Variants in GLRB observed in about 807,000 individuals in gnomAD.
GLRB encodes the protein glycine receptor subunit beta.
Under a neutral mutation model 54.2 loss-of-function variants are expected in GLRB, and 33 were observed. The observed-to-expected ratio is 0.61, with a 90% CI of 0.46 to 0.81. The LOEUF is 0.81. Among genes scored for constraint, GLRB ranks in the 40% least tolerant of loss-of-function variants. The probability of loss-of-function intolerance (pLI) is 0.00; values close to 1 mark genes in which losing one functional copy is unlikely to be tolerated. For synonymous variants in GLRB, 209 were observed against 208.2 expected (o/e 1.00, Z -0.03); for missense variants, 572 against 584.6 (o/e 0.98, Z 0.22).
chr4:157,159,952 C>T (rs1468826480), intron 9 of GLRB, among the ~76,000 whole-genome samples: 1 of 152,126 alleles, frequency 6.6e-6, no homozygotes, highest in Admixed American at 6.5e-5. Flanking sequence ...GGCTGTGAAT[C>T]CATCTGGTCC....
Position 157,152,770 on chromosome 4 carries a change from G to T in GLRB, c.957G>T (p.Glu319Asp), listed in dbSNP as rs948407781. 3.7e-6 allele frequency: 6 copies of T among 1,613,622 alleles called. No individual in the cohort carries two copies. The Admixed American group carries it at 5.0e-5, about 13-fold the overall frequency. The change falls in exon 9 of 10, where the codon GAG becomes GAT. Residue 319 changes from glutamate (E) to aspartate (D), a missense_variant. Physicochemically the swap from Glu to Asp is conservative, Grantham distance 45. Coordinates refer to ENST00000264428, the MANE Select transcript of GLRB (RefSeq NM_000824.5). ...LASECTTLAAELPKVSYVKAL... is the reference protein window; with the variant it reads ...LASECTTLAADLPKVSYVKAL... ...CTGAGTGCACAACCCTTGCCGCTGA[G>T]CTTCCCAAAGTTTCCTATGTGAAGG...
chr4:157,088,965 C>T (rs557580039), intron 2 of GLRB, among the ~76,000 whole-genome samples: 1 of 152,144 alleles, frequency 6.6e-6, no homozygotes, highest in Non-Finnish European at 1.5e-5. Flanking sequence ...CTCTAATTCA[C>T]TAGTTCTTTT....
intron 4 of GLRB, among the ~76,000 whole-genome samples, chr4:157,130,138 C>G (rs1439481116): frequency 6.6e-6 from 1 of 151,598 alleles, no homozygotes; most frequent in Non-Finnish European, 1.5e-5. Context: ...ATTATTATCC[C>G]TATCTTATAT....
At chr4:157,109,726 C>T (rs896598038) in intron 2 of GLRB, among the ~76,000 whole-genome samples, 1 of 152,038 alleles carries the variant, frequency 6.6e-6, no homozygotes, top group African/African-American at 2.4e-5. Flanking sequence ...TTCCCCTGAT[C>T]ATGTCCTTGG....
At chr4:157,144,258 C>T (rs1266249118) in intron 8 of GLRB, among the ~76,000 whole-genome samples, 3 of 152,070 alleles carry the variant, frequency 2.0e-5, no homozygotes, top group African/African-American at 7.2e-5. Context: ...CTAAAACCTT[C>T]GGTAGTGCCA....
chr4:157,154,423 C>CTTT (rs778002566), intron 9 of GLRB, among the ~76,000 whole-genome samples: 64 of 103,456 alleles, frequency 6.2e-4, no homozygotes, highest in African/African-American at 8.7e-4. Context: ...CTTCTTTTTC[C>CTTT]TTTTTTTTTT....
chr4:157,088,969 T>C (rs1341293654), intron 2 of GLRB, among the ~76,000 whole-genome samples: 1 of 152,212 alleles, frequency 6.6e-6, no homozygotes, highest in East Asian at 1.9e-4. Flanking sequence ...AATTCACTAG[T>C]TCTTTTCTTC....
At chr4:157,136,984 G>T in intron 6 of GLRB, 98 bp downstream of exon 6, 2 of 743,940 alleles carry the variant, frequency 2.7e-6, no homozygotes, top group Admixed American at 4.0e-5. Flanking sequence ...GGTAAAACTA[G>T]TGCTTTGATT....
At position 157,097,791 on chromosome 4, in the gene GLRB, C is replaced by T. The variant is rs547369421; in HGVS notation, c.122+19645C>T. 1.8e-4 allele frequency among the ~76,000 whole-genome samples: 27 copies of T among 152,280 alleles called. 1 individual carries two copies. The South Asian group carries it at 5.2e-3, about 29-fold the overall frequency. On this transcript the variant is annotated intron_variant, in intron 2 of 9. Transcript: ENST00000264428. ...ATCCCAGCACTTTGGGAGGCTGAGG[C>T]GGGTGAATTGCCTGAGGTCAGGAGT...
chr4:157,120,230 T>C (rs1012949330), intron 2 of GLRB, among the ~76,000 whole-genome samples: 3 of 97,586 alleles, frequency 3.1e-5, no homozygotes, highest in Admixed American at 1.5e-4. Flanking sequence ...CTGGGGACTG[T>C]TGTGGGGTGG....
chr4:157,153,229 A>C (rs1737094748), intron 9 of GLRB, among the ~76,000 whole-genome samples: 1 of 152,190 alleles, frequency 6.6e-6, no homozygotes, highest in African/African-American at 2.4e-5. Flanking sequence ...GGAAAAAAGT[A>C]ATGCCTTATT....
At chr4:157,099,462 G>C (rs1481142695) in intron 2 of GLRB, among the ~76,000 whole-genome samples, 2 of 151,482 alleles carry the variant, frequency 1.3e-5, no homozygotes, top group Non-Finnish European at 2.9e-5. Context: ...TCAGCCTCAC[G>C]AGTAGCTGGG....
intron 9 of GLRB, among the ~76,000 whole-genome samples, chr4:157,153,823 A>G (rs1376916841): frequency 6.6e-6 from 1 of 152,150 alleles, no homozygotes; most frequent in African/African-American, 2.4e-5. Flanking sequence ...GGTCCATTCC[A>G]TCCTACAACC....
chr4:157,165,310 T>C (rs183088840), intron 9 of GLRB, among the ~76,000 whole-genome samples: 1 of 152,142 alleles, frequency 6.6e-6, no homozygotes, highest in Admixed American at 6.5e-5. Context: ...GGTTTTGCAA[T>C]GAAAAATGTA....
At position 157,152,731 on chromosome 4, in the gene GLRB, C is replaced by T. The variant is rs371734005; in HGVS notation, c.918C>T (p.Val306=). The T allele has an allele frequency of 3.1e-6, 5 of 1,613,196 alleles. No individual in the cohort carries two copies. The South Asian group carries it at 3.3e-5, about 11-fold the overall frequency. Residue 306 remains valine, a synonymous_variant, in exon 9 of 10, where the codon GTC becomes GTT. Transcript: ENST00000264428. ...AARVPLGIFS[V]LSLASECTTL... is the part of the protein sequence containing the mutation. ...CTGTTTCTGTAGGTATCTTCTCAGT[C>T]CTCAGCTTGGCCTCTGAGTGCACAA...
At chr4:157,076,688 TG>T (rs1448465694) in intron 1 of GLRB, 1 of 152,350 alleles carries the variant, frequency 6.6e-6, no homozygotes, top group Admixed American at 6.5e-5. Flanking sequence ...TGAATTTCTC[TG>T]TTTTTCGAAG....
intron 3 of GLRB, among the ~76,000 whole-genome samples, chr4:157,120,927 C>T (rs190104459): frequency 4.0e-5 from 6 of 151,704 alleles, no homozygotes; most frequent in Admixed American, 6.6e-5. Flanking sequence ...AATAGGCCAA[C>T]ATCCGCAATG....
At chr4:157,156,812 G>A (rs1310205668) in intron 9 of GLRB, among the ~76,000 whole-genome samples, 1 of 152,132 alleles carries the variant, frequency 6.6e-6, no homozygotes, top group Non-Finnish European at 1.5e-5. Context: ...TTGTTATACA[G>A]TTTGAGATCT....
chr4:157,113,904 T>G (rs1286079967), intron 2 of GLRB, among the ~76,000 whole-genome samples: 1 of 151,944 alleles, frequency 6.6e-6, no homozygotes. Flanking sequence ...CAGTTTAATC[T>G]GTGAAAACAG....
Sources: allele counts gnomAD v4.1 joint callset (sites outside exome capture counted in the v4.1 genomes callset), GRCh38; gene constraint gnomAD v4.1.1; transcripts MANE v1.5; gene names NCBI Gene and HGNC (gene_info 2026-07-23, HGNC 2026-07-21).